DNAJC9: variants seen among roughly 807,000 people sequenced by gnomAD.
DNAJC9 encodes the protein dnaJ homolog subfamily C member 9.
A neutral mutation model predicts 32.4 loss-of-function variants in DNAJC9; 18 were observed. The ratio of observed to expected loss-of-function variants is 0.56; its 90% CI spans 0.38 to 0.82. DNAJC9 has a LOEUF of 0.82. Ranked by LOEUF, DNAJC9 falls within the 40% of genes least tolerant of loss-of-function variation. DNAJC9 has a pLI of 0.00. For missense variants in DNAJC9, 310 were observed against 321.8 expected (o/e 0.96, Z 0.28); for synonymous variants, 113 against 122.1 (o/e 0.93, Z 0.49).
chr10:73,242,578 TCTTTTATAAAAGGGAA>T lies in DNAJC9; in HGVS notation c.*806_*821del, dbSNP rs2043967180. The T allele has an allele frequency of 6.6e-6, 1 of 152,210 alleles. No individual in the cohort carries two copies. The highest frequency in any genetic ancestry group is 6.5e-5 in the Admixed American group (1 of 15,284). The allele number at this position is 152,210 out of a possible 1,614,324, so 9.4% of individuals were successfully genotyped here. A position where few individuals can be genotyped will look rare whatever the true frequency, so the allele number is the denominator to read the frequency against. On this transcript the variant is annotated 3_prime_UTR_variant, in exon 5 of 5. Transcript: ENST00000372950. ...TCACTCTTTGTTTTGATGTAGTAAC[TCTTTTATAAAAGGGAA>T]CAGATTCAGACAAGCTCAGTGGCCC...
chr10:73,240,488 G>A (rs535143049), downstream of DNAJC9, among the ~76,000 whole-genome samples: 102 of 152,264 alleles, frequency 6.7e-4, no homozygotes, highest in Non-Finnish European at 1.1e-3. Context: ...CAAGGCGGGC[G>A]GATCACGAGG....
Position 73,246,099 on chromosome 10 carries a change from G to A in DNAJC9, c.399C>T (p.Ala133=), listed in dbSNP as rs770826866. ...CCATGTCACCCTTGAAGTCCAGATA[G>A]GCCTGCTTAATATCAGCCAGCTCTT... ...SEEELADIKQ[A]YLDFKGDMDQ... The change falls in exon 3 of 5, where the codon GCC becomes GCT. Residue 133 remains alanine, a synonymous_variant. Transcript: ENST00000372950. 6.2e-7 allele frequency: 1 copy of A among 1,613,984 alleles called. No individual in the cohort carries two copies. The highest frequency in any genetic ancestry group is 8.5e-7 in the Non-Finnish European group (1 of 1,179,966).
At chr10:73,235,191 A>G, downstream of DNAJC9, 1 of 1,551,672 alleles carries the variant, frequency 6.4e-7, no homozygotes, top group Non-Finnish European at 8.7e-7. Context: ...TCTCCTCTGC[A>G]GAAACCCCAT....
At position 73,242,483 on chromosome 10, in the gene DNAJC9, A is replaced by G. The variant is rs2043965931; in HGVS notation, c.*917T>C. The G allele has an allele frequency of 6.6e-6, 1 of 152,188 alleles. No homozygotes were observed. Among genetic ancestry groups the G allele is most frequent in the Non-Finnish European group, 1.5e-5 (1 of 68,034 alleles). The allele number at this position is 152,188 out of a possible 1,614,324, so 9.4% of individuals were successfully genotyped here. ...CCTCACCCTGTGTGTTTTCCCTCAA[A>G]GCCAGTGCAATTTTTTTTTAACCAA... On this transcript the variant is annotated 3_prime_UTR_variant, in exon 5 of 5. Transcript: ENST00000372950.
chr10:73,240,450 T>C (rs7070446), downstream of DNAJC9, among the ~76,000 whole-genome samples: 60,125 of 152,110 alleles, frequency 0.4, 15,226 homozygotes, highest in Non-Finnish European at 0.58. Context: ...TGGTGGCTCA[T>C]GCCTGTAATC....
At chr10:73,234,086 T>C (rs1460723584), downstream of DNAJC9, 2 of 152,198 alleles carry the variant, frequency 1.3e-5, no homozygotes, top group African/African-American at 4.8e-5. Flanking sequence ...ATTCACAAAA[T>C]GTCTTAGGAT....
chr10:73,246,234 G>A (rs2133429899), intron 2 of DNAJC9, 58 bp from the exon 3 acceptor site: 5 of 1,559,906 alleles, frequency 3.2e-6, no homozygotes, highest in East Asian at 2.2e-5. Flanking sequence ...TAAAACGTAC[G>A]TTAGTAAAAC....
In DNAJC9 at chr10:73,247,191, C is replaced by T. The variant is rs760593461; in HGVS notation, c.-2G>A. 4 of 1,588,302 alleles carry T rather than the reference C, an allele frequency of 2.5e-6. No individual in the cohort carries two copies. Among genetic ancestry groups the T allele is most frequent in the East Asian group, 2.3e-5 (1 of 42,942 alleles). ...CTCGCAAAGGTCCAGCAGCCCCATG[C>T]CGGGCGGAGATACGACCCCGGAGGA... On this transcript the variant is annotated 5_prime_UTR_variant, in exon 1 of 5. Coordinates refer to ENST00000372950, the MANE Select transcript of DNAJC9 (RefSeq NM_015190.5).
intron 3 of DNAJC9, among the ~76,000 whole-genome samples, chr10:73,245,390 T>C (rs1277925468): frequency 6.3e-5 from 8 of 128,000 alleles, no homozygotes; most frequent in Non-Finnish European, 9.5e-5. Flanking sequence ...AAAACTGTCT[T>C]CCACAAAACA....
In DNAJC9 at chr10:73,246,819, T is replaced by C. The variant is rs964932782; in HGVS notation, c.190A>G (p.Lys64Glu). ...DATRRFQILG[K>E]VYSVLSDREQ... ...CTGTCACTGAGAACGGAATAGACTT[T>C]TCCCAGGATCTGAGGGCAAAGAGTA... is the stretch of plus-strand genomic sequence containing the variant. The change falls in exon 2 of 5, where the codon AAA (lysine) becomes GAA (glutamate). Residue 64 changes from lysine to glutamate, a missense_variant. Physicochemically the swap from Lys to Glu is moderately conservative, Grantham distance 56. Coordinates refer to ENST00000372950, the MANE Select transcript of DNAJC9 (RefSeq NM_015190.5). 1 of 1,614,134 alleles carries C rather than the reference T, an allele frequency of 6.2e-7. No individual in the cohort carries two copies.
Position 73,233,105 on chromosome 10 carries a change from A to T in DNAJC9, n.147+10738T>A, listed in dbSNP as rs200426792. ...ACGAACTCTTCATCCGATCAGCACG[A>T]GCCATTCATGTGCTGAAACACCAAG... is the stretch of plus-strand genomic sequence containing the variant. On this transcript the variant is annotated intron_variant and non_coding_transcript_variant, in intron 2 of 2. Transcript: ENST00000469143. 2.1e-4 allele frequency: 327 copies of T among 1,551,652 alleles called. 1 individual carries two copies. The highest frequency in any genetic ancestry group is 3.4e-5 in the Non-Finnish European group (39 of 1,147,016).
chr10:73,238,876 A>T (rs1337451898), downstream of DNAJC9: 1 of 153,108 alleles, frequency 6.5e-6, no homozygotes, highest in Non-Finnish European at 1.5e-5. Flanking sequence ...CATAATGCTA[A>T]AAAGTAAATG....
At chr10:73,241,024 A>G, downstream of DNAJC9, 1 of 1,500,772 alleles carries the variant, frequency 6.7e-7, no homozygotes, top group Non-Finnish European at 9.1e-7. Flanking sequence ...CCATAAGGCA[A>G]ATGAGAAGAA....
Position 73,246,052 on chromosome 10 carries a change from A to G in DNAJC9, c.446T>C (p.Leu149Pro), listed in dbSNP as rs747656978. The G allele has an allele frequency of 5.6e-6, 9 of 1,613,812 alleles. No homozygotes were observed. The highest frequency in any genetic ancestry group is 6.8e-6 in the Non-Finnish European group (8 of 1,179,838). Residue 149 changes from leucine to proline, a missense_variant, in exon 3 of 5, where the codon CTT becomes CCT. Coordinates refer to ENST00000372950, the MANE Select transcript of DNAJC9 (RefSeq NM_015190.5). ...GGGTTCCTCTGTGTACTGCACGCAA[A>G]GCACAGACTCCATGATCTGATCCAT... ...GDMDQIMESVLCVQYTEEPRI... is the reference protein window; with the variant it reads ...GDMDQIMESVPCVQYTEEPRI...
chr10:73,239,048 G>A (rs145406882), downstream of DNAJC9: 867 of 355,144 alleles, frequency 2.4e-3, 7 homozygotes, highest in Middle Eastern at 5.4e-3. Context: ...AAACCATATG[G>A]ATTATTTATA....
chr10:73,240,833 A>G (rs866842406), downstream of DNAJC9: 11 of 671,262 alleles, frequency 1.6e-5, no homozygotes, highest in Non-Finnish European at 2.4e-5. Context: ...TACTGCTTTC[A>G]TACCTTAAGA....
Position 73,246,990 on chromosome 10 carries a change from C to T in DNAJC9, c.180+20G>A, listed in dbSNP as rs756057485. ...GGAGGCCCGCGCAGCCGGTCGGCTT[C>T]GGGGCGGGACCCTGCATACCTGGAA... On this transcript the variant is annotated intron_variant, in intron 1 of 4. Transcript: ENST00000372950. The T allele has an allele frequency of 7.1e-6, 11 of 1,550,004 alleles. No homozygotes were observed. In the East Asian group the frequency reaches 2.3e-4, roughly 32 times the overall value.
chr10:73,236,312 A>G (rs2043819985), downstream of DNAJC9, among the ~76,000 whole-genome samples: 1 of 152,120 alleles, frequency 6.6e-6, no homozygotes, highest in African/African-American at 2.4e-5. Context: ...CTCCCTTTGC[A>G]AGGTCTAGGG....
In DNAJC9 at chr10:73,247,219, C is replaced by T; in HGVS notation, c.-30G>A. On this transcript the variant is annotated 5_prime_UTR_variant, in exon 1 of 5. Transcript: ENST00000372950. ...GGCGGAGATACGACCCCGGAGGAAGCAGCCGCTCCCAGCTGCGCCGGGTAC... is the reference window on the plus strand; with the variant it reads ...GGCGGAGATACGACCCCGGAGGAAGTAGCCGCTCCCAGCTGCGCCGGGTAC... The T allele has an allele frequency of 6.4e-7, 1 of 1,569,996 alleles. No homozygotes were observed. The highest frequency in any genetic ancestry group is 8.6e-7 in the Non-Finnish European group (1 of 1,158,692).
Sources: gnomAD v4.1 joint callset for allele counts (sites outside exome capture counted in the v4.1 genomes callset) on GRCh38, gnomAD v4.1.1 for gene constraint, MANE v1.5 for transcripts, NCBI Gene and HGNC (gene_info 2026-07-23, HGNC 2026-07-21) for gene names.